The following ZNF326 variants were observed in gnomAD, a reference collection of about 807,000 sequenced individuals.
The protein encoded by ZNF326 is DBIRD complex subunit ZNF326.
ZNF326 carries 30 observed loss-of-function variants against 63.1 expected under a neutral mutation model. The ratio of observed to expected loss-of-function variants is 0.48; its 90% confidence interval spans 0.36 to 0.64. The LOEUF (loss-of-function observed/expected upper bound fraction) is 0.64, where lower values mean the gene tolerates loss of function less well. Among genes scored for constraint, ZNF326 ranks in the 30% least tolerant of loss-of-function variants. The probability of loss-of-function intolerance (pLI) is 0.00; values close to 1 mark genes in which losing one functional copy is unlikely to be tolerated. For missense variants in ZNF326, 609 were observed against 720.3 expected (o/e 0.85, Z 1.77); for synonymous variants, 194 against 228.2 (o/e 0.85, Z 1.35).
chr1:90,027,059 G>GTA (rs932549915), intron 11 of ZNF326, among the ~76,000 whole-genome samples: 3 of 103,776 alleles, frequency 2.9e-5, no homozygotes, highest in Admixed American at 1.2e-4. Context: ...TTTGTCATGT[G>GTA]TATATATGTG....
Position 90,007,345 on chromosome 1 carries a change from G to C in ZNF326, c.210G>C (p.Arg70Ser). The change falls in exon 5 of 12, where the codon AGG (arginine) becomes AGC (serine). Residue 70 changes from arginine (R) to serine (S), a missense_variant and splice_region_variant. Arg to Ser is a moderately radical substitution (Grantham distance 110). Coordinates refer to ENST00000340281, the MANE Select transcript of ZNF326 (RefSeq NM_182976.4). This position sits in a 1 kb window ranked among gnomAD's most constrained non-coding sequence, Gnocchi z 4.9. ...DNHSGGGGGS[R>S]FGPYESYDSR... ...TTCCCTCACTGTGCAACTTTTCCAGGTTTGGACCTTATGAGTCTTACGACT... is the reference window on the plus strand; with the variant it reads ...TTCCCTCACTGTGCAACTTTTCCAGCTTTGGACCTTATGAGTCTTACGACT... 2 of 1,595,974 alleles carry C rather than the reference G, an allele frequency of 1.3e-6. No individual in the cohort carries two copies. Among genetic ancestry groups the C allele is most frequent in the Non-Finnish European group, 1.7e-6 (2 of 1,170,128 alleles).
rs1426043090 is a variant in ZNF326, at chr1:90,028,356, AAAG to A, written c.*658_*660del. The stretch of plus-strand genomic sequence containing the variant: ...TAAGATGATTGAGAAGACTTGAATT[AAAG>A]AAAAAAAAATTCTCAATCATATTTT... On this transcript the variant is annotated 3_prime_UTR_variant, in exon 12 of 12. Transcript: ENST00000340281. 1 of 92,394 alleles carries A rather than the reference AAAG, an allele frequency of 1.1e-5. No homozygotes were observed. The highest frequency in any genetic ancestry group is 2.2e-5 in the Non-Finnish European group (1 of 46,048). The allele number at this position is 92,394 out of a possible 1,614,324, so 5.7% of individuals were successfully genotyped here.
In ZNF326 at chr1:90,027,922, AAATT is replaced by A; in HGVS notation, c.*222_*225del. On this transcript the variant is annotated 3_prime_UTR_variant, in exon 12 of 12. Transcript: ENST00000340281. ...TATAGCTACCAGACTTAGATCCGAT[AAATT>A]GTTTGTATAATTTTTAAGCTTAATT... The A allele has an allele frequency of 1.9e-6, 1 of 521,346 alleles. No homozygotes were observed. The allele number at this position is 521,346 out of a possible 1,614,324, so 32.3% of individuals were successfully genotyped here.
chr1:90,003,040 A>T (rs1007723568), intron 2 of ZNF326, among the ~76,000 whole-genome samples: 2 of 152,204 alleles, frequency 1.3e-5, no homozygotes, highest in Admixed American at 6.5e-5. Context: ...CTTTTAAAAA[A>T]TTCTAATGTT....
At chr1:90,023,751 A>G (rs933934831) in intron 11 of ZNF326, among the ~76,000 whole-genome samples, 9 of 152,214 alleles carry the variant, frequency 5.9e-5, no homozygotes, top group East Asian at 5.8e-4. Flanking sequence ...TAGAATTTCT[A>G]TATAGTGTTT....
intron 2 of ZNF326, among the ~76,000 whole-genome samples, chr1:90,001,598 G>C (rs1248012524): frequency 6.7e-6 from 1 of 148,818 alleles, no homozygotes; most frequent in Non-Finnish European, 1.5e-5. Flanking sequence ...TTGTCGCCCA[G>C]GCTAGAGTGC....
At chr1:89,995,380 G>A (rs1007567231) in intron 1 of ZNF326, 107 bp downstream of exon 1, 15 of 1,377,218 alleles carry the variant, frequency 1.1e-5, no homozygotes, top group Middle Eastern at 2.0e-4. Flanking sequence ...TGTTCTGCGG[G>A]CCCGGAGGCC....
At chr1:90,004,657 C>G (rs1411852787) in intron 2 of ZNF326, among the ~76,000 whole-genome samples, 1 of 152,036 alleles carries the variant, frequency 6.6e-6, no homozygotes, top group Admixed American at 6.6e-5. Flanking sequence ...TCGAGACCAG[C>G]CTGGGCAACA....
At position 90,031,309 on chromosome 1, in the gene ZNF326, A is replaced by G. The variant is rs1264971575; in HGVS notation, c.*3608A>G. On this transcript the variant is annotated 3_prime_UTR_variant, in exon 12 of 12. Transcript: ENST00000340281. ...ACATGTAGAAACAGAGAAAAGAACT[A>G]CAAAGGTAAATGTTAGTGCATGTTG... 6.6e-6 allele frequency: 1 copy of G among 152,248 alleles called. No homozygotes were observed. 9.4% of individuals were successfully genotyped at this position (152,248 alleles called of 1,614,324 possible). A position where few individuals can be genotyped will look rare whatever the true frequency, so the allele number is the denominator to read the frequency against.
At chr1:89,997,302 G>C (rs543156700) in intron 1 of ZNF326, among the ~76,000 whole-genome samples, 21 of 152,254 alleles carry the variant, frequency 1.4e-4, no homozygotes, top group Non-Finnish European at 2.4e-4. Context: ...GGTTTTCAGT[G>C]ATGACACATT....
intron 1 of ZNF326, 40 bp from the exon 2 acceptor site, chr1:89,998,070 A>G (rs17506828): frequency 0.011 from 17,793 of 1,568,914 alleles, 141 homozygotes; most frequent in Non-Finnish European, 0.013. Context: ...ATTATTGCTA[A>G]TATCACACTA....
intron 9 of ZNF326, 137 bp from the exon 10 acceptor site, chr1:90,020,655 C>T (rs1156510389): frequency 2.9e-6 from 2 of 700,064 alleles, no homozygotes; most frequent in South Asian, 4.8e-5. Context: ...GGTAGAAATA[C>T]TCAGCATAAA....
rs1204137179 is a variant in ZNF326 at position 90,034,076 on chromosome 1, T to C, written c.*6375T>C. 2 of 152,094 alleles carry C rather than the reference T, an allele frequency of 1.3e-5. No homozygotes were observed. The highest frequency in any genetic ancestry group is 2.9e-5 in the Non-Finnish European group (2 of 67,992). 9.4% of individuals were successfully genotyped at this position (152,094 alleles called of 1,614,324 possible). The stretch of plus-strand genomic sequence containing the variant: ...TCCCAAGCTTAGAAAAATCTCAAAA[T>C]GTCTAAAGAGAAACAGTGTACCTAT... On this transcript the variant is annotated 3_prime_UTR_variant, in exon 12 of 12. Transcript: ENST00000340281.
intron 4 of ZNF326, chr1:90,006,375 A>G (rs1648988575): frequency 1.0e-6 from 1 of 983,442 alleles, no homozygotes; most frequent in Admixed American, 6.1e-5. Context: ...CATAAGCTAT[A>G]TCCGTAGATG....
At chr1:90,025,953 C>T (rs1649996171) in intron 11 of ZNF326, among the ~76,000 whole-genome samples, 1 of 151,796 alleles carries the variant, frequency 6.6e-6, no homozygotes, top group African/African-American at 2.4e-5. Context: ...TCCTCCTGCA[C>T]CAAGTGTTCC....
Position 90,005,005 on chromosome 1 carries a change from A to G in ZNF326, c.64A>G (p.Met22Val), listed in dbSNP as rs1295645732. The G allele has an allele frequency of 3.7e-6, 6 of 1,613,868 alleles. No homozygotes were observed. The Admixed American group carries it at 5.0e-5, about 13-fold the overall frequency. The change falls in exon 3 of 12, where the codon ATG (methionine) becomes GTG (valine). Residue 22 changes from methionine (M) to valine (V), a missense_variant and splice_region_variant. This residue lies in a region of ZNF326 where 97 missense variants were observed against 88.7 expected (regional missense o/e 1.09). Transcript: ENST00000340281. ...ATTTCTTATTGACTCTCTTTTAGGAATGGATCGTGATTATGGCCCTGGATC... is the reference window on the plus strand; with the variant it reads ...ATTTCTTATTGACTCTCTTTTAGGAGTGGATCGTGATTATGGCCCTGGATC... The part of the protein sequence containing the change: ...CRNTYQGFNG[M>V]DRDYGPGSYG...
chr1:90,027,330 G>A (rs1420190775), intron 11 of ZNF326, 24 bp from the exon 12 acceptor site: 1 of 1,605,434 alleles, frequency 6.2e-7, no homozygotes. Flanking sequence ...TGCTGATTTT[G>A]AAAGCCATTT....
rs748323949 is a variant in ZNF326, at chr1:90,007,687, G to A, written c.552G>A (p.Thr184=). ...GRGTPAYPES[T]FGSRNYDAFG... ...GAACGCCTGCTTATCCTGAAAGTAC[G>A]TTTGGAAGCAGAAACTATGATGCTT... Residue 184 remains threonine (T), a synonymous_variant, in exon 5 of 12, where the codon ACG becomes ACA. Coordinates refer to ENST00000340281, the MANE Select transcript of ZNF326 (RefSeq NM_182976.4). The surrounding 1 kb of genome is among the most constrained non-coding windows in gnomAD (Gnocchi z 4.9). 4.0e-6 allele frequency: 6 copies of A among 1,517,638 alleles called. No homozygotes were observed. The South Asian group carries it at 6.7e-5, about 17-fold the overall frequency. The allele number at this position is 1,517,638 out of a possible 1,614,324, so 94.0% of individuals were successfully genotyped here. A position where few individuals can be genotyped will look rare whatever the true frequency, so the allele number is the denominator to read the frequency against.
At chr1:90,024,986 T>TG (rs1649944927) in intron 11 of ZNF326, among the ~76,000 whole-genome samples, 1 of 150,954 alleles carries the variant, frequency 6.6e-6, no homozygotes, top group Non-Finnish European at 1.5e-5. Context: ...TCCTGTTTTT[T>TG]TTTTTTTTTT....
Sources: gnomAD v4.1 joint callset for allele counts (sites outside exome capture counted in the v4.1 genomes callset) on GRCh38, gnomAD v4.1.1 for gene constraint, gnomAD v4.1.1 regional missense constraint, Gnocchi (gnomAD v3.1) non-coding constraint, MANE v1.5 for transcripts, NCBI Gene and HGNC (gene_info 2026-07-23, HGNC 2026-07-21) for gene names.